Variants in ADAMTSL1 observed in about 807,000 individuals in gnomAD.
ADAMTSL1 encodes ADAMTS like 1.
Under a neutral mutation model 201.8 loss-of-function variants are expected in ADAMTSL1, and 126 were observed. The ratio of observed to expected loss-of-function variants is 0.62; its 90% CI spans 0.54 to 0.72. ADAMTSL1 has a LOEUF of 0.72. ADAMTSL1 is among the 30% of genes least tolerant of loss of function. The pLI is 0.00. For synonymous variants in ADAMTSL1, 1,121 were observed against 903.4 expected, an observed-to-expected ratio of 1.24 and a Z score of -4.32; for missense variants, 2,679 against 2,277.8, an observed-to-expected ratio of 1.18 and a Z score of -3.59.
At chr9:18,369,051 G>A (rs970247108) in intron 2 of ADAMTSL1, among the ~76,000 whole-genome samples, 10 of 152,154 alleles carry the variant, frequency 6.6e-5, no homozygotes, top group African/African-American at 2.4e-4. Context: ...GAAAGGAACT[G>A]GAACTGTGTA....
rs769408280 is a variant in ADAMTSL1 at position 18,684,697 on chromosome 9, G to C, written c.1490-19G>C. 1 of 1,610,554 alleles carries C rather than the reference G, an allele frequency of 6.2e-7. No individual in the cohort carries two copies. The highest frequency in any genetic ancestry group is 8.5e-7 in the Non-Finnish European group (1 of 1,178,620). ...GGTTCTAACCTCTTCTTTTGTATGT[G>C]CATGCACTGAATTCTCAGAGAAACT... On this transcript the variant is annotated intron_variant, in intron 12 of 28. Coordinates refer to ENST00000380548, the MANE Select transcript of ADAMTSL1 (RefSeq NM_001040272.6).
At chr9:18,432,763 T>C (rs545769817) in intron 2 of ADAMTSL1, among the ~76,000 whole-genome samples, 1 of 152,298 alleles carries the variant, frequency 6.6e-6, no homozygotes, top group African/African-American at 2.4e-5. Context: ...AAGGATCAAG[T>C]GTGACAACAT....
At chr9:18,816,939 A>C (rs114735107) in intron 20 of ADAMTSL1, among the ~76,000 whole-genome samples, 170 bp from the exon 21 acceptor site, 3 of 152,198 alleles carry the variant, frequency 2.0e-5, no homozygotes, top group African/African-American at 7.2e-5. Context: ...GTAGGTAGGT[A>C]GGTAGATGCT....
chr9:18,605,099 A>G (rs1448477452), intron 4 of ADAMTSL1, among the ~76,000 whole-genome samples: 1 of 152,188 alleles, frequency 6.6e-6, no homozygotes, highest in Non-Finnish European at 1.5e-5. Flanking sequence ...TCTCACTTGT[A>G]TTCTTCCCTA....
chr9:18,717,954 C>G (rs761018158), intron 14 of ADAMTSL1: 57 of 1,452,676 alleles, frequency 3.9e-5, no homozygotes, highest in Admixed American at 6.7e-5. Context: ...TGACTCAGAG[C>G]TGCAATGCAC....
chr9:18,688,108 A>G (rs570870209), intron 13 of ADAMTSL1, among the ~76,000 whole-genome samples: 2 of 96,996 alleles, frequency 2.1e-5, no homozygotes, highest in Non-Finnish European at 4.6e-5. Flanking sequence ...GAATACATAT[A>G]TGTATGTATG....
intron 1 of ADAMTSL1, among the ~76,000 whole-genome samples, chr9:18,043,756 T>A (rs1821535729): frequency 6.6e-6 from 1 of 152,068 alleles, no homozygotes; most frequent in South Asian, 2.1e-4. Flanking sequence ...GATAATACTT[T>A]TGCTAATAAA....
chr9:18,813,828 G>T (rs1823664341), intron 20 of ADAMTSL1, among the ~76,000 whole-genome samples: 1 of 152,116 alleles, frequency 6.6e-6, no homozygotes, highest in African/African-American at 2.4e-5. Context: ...AATTGGTTTG[G>T]CTAAGACTTG....
intron 2 of ADAMTSL1, among the ~76,000 whole-genome samples, chr9:18,439,811 A>G (rs111846957): frequency 0.024 from 3,586 of 152,296 alleles, 115 homozygotes; most frequent in African/African-American, 0.07. Flanking sequence ...ACTTTATATT[A>G]TTATCCCATT....
chr9:18,305,125 A>G (rs1227938888), intron 2 of ADAMTSL1, among the ~76,000 whole-genome samples: 1 of 152,140 alleles, frequency 6.6e-6, no homozygotes, highest in Non-Finnish European at 1.5e-5. Flanking sequence ...CCTCTCCTAG[A>G]CAAGGGAAGC....
chr9:18,370,483 C>T (rs1836996334), intron 2 of ADAMTSL1, among the ~76,000 whole-genome samples: 1 of 152,042 alleles, frequency 6.6e-6, no homozygotes, highest in African/African-American at 2.4e-5. Context: ...TTTAAAATGA[C>T]ACAACCTACG....
chr9:18,002,256 G>A (rs892092696), intron 1 of ADAMTSL1, among the ~76,000 whole-genome samples: 2 of 151,966 alleles, frequency 1.3e-5, no homozygotes, highest in Non-Finnish European at 2.9e-5. Context: ...ATTATGGGTA[G>A]CCTCCATTTT....
At chr9:18,510,121 T>A (rs1168484371) in intron 2 of ADAMTSL1, among the ~76,000 whole-genome samples, 1 of 152,234 alleles carries the variant, frequency 6.6e-6, no homozygotes, top group Non-Finnish European at 1.5e-5. Flanking sequence ...TCTAGTAATA[T>A]GACCTCTTAG....
intron 1 of ADAMTSL1, among the ~76,000 whole-genome samples, chr9:18,135,448 T>C (rs1435300065): frequency 4.6e-5 from 7 of 152,102 alleles, no homozygotes; most frequent in African/African-American, 1.7e-4. Context: ...AAGGAGGGCA[T>C]ATTTTACTAG....
chr9:18,139,035 A>G (rs1338268386), intron 1 of ADAMTSL1, among the ~76,000 whole-genome samples: 1 of 152,038 alleles, frequency 6.6e-6, no homozygotes, highest in African/African-American at 2.4e-5. Flanking sequence ...CACCTGTTTT[A>G]ATTTCATTTC....
intron 1 of ADAMTSL1, among the ~76,000 whole-genome samples, chr9:18,103,302 G>T (rs904105299): frequency 6.6e-6 from 1 of 152,080 alleles, no homozygotes; most frequent in Non-Finnish European, 1.5e-5. Context: ...ACAATTTGTA[G>T]CAAAACATAG....
chr9:18,036,525 G>C (rs997707470), intron 1 of ADAMTSL1, among the ~76,000 whole-genome samples: 3 of 152,092 alleles, frequency 2.0e-5, no homozygotes, highest in African/African-American at 7.2e-5. Context: ...CACAATTCTG[G>C]CCATGGTATG....
intron 2 of ADAMTSL1, among the ~76,000 whole-genome samples, chr9:18,259,851 A>G (rs953965001): frequency 3.9e-5 from 6 of 152,218 alleles, no homozygotes; most frequent in African/African-American, 9.6e-5. Context: ...TTAAAAAAAT[A>G]AAAAGGGAAA....
At chr9:18,375,076 G>T (rs1489404804) in intron 2 of ADAMTSL1, among the ~76,000 whole-genome samples, 1 of 152,204 alleles carries the variant, frequency 6.6e-6, no homozygotes, top group Non-Finnish European at 1.5e-5. Context: ...GATCAGCCTG[G>T]ATCACCAGAT....
Sources: gnomAD v4.1 joint callset for allele counts (sites outside exome capture counted in the v4.1 genomes callset) on GRCh38, gnomAD v4.1.1 for gene constraint, MANE v1.5 for transcripts, NCBI Gene and HGNC (gene_info 2026-07-23, HGNC 2026-07-21) for gene names.